PRKCQ: variants seen among roughly 807,000 people sequenced by gnomAD.
The protein encoded by PRKCQ is protein kinase C theta type.
Under a neutral mutation model 91.2 loss-of-function variants are expected in PRKCQ, and 41 were observed. The ratio of observed to expected loss-of-function variants is 0.45; its 90% CI spans 0.35 to 0.58. The LOEUF (loss-of-function observed/expected upper bound fraction) is 0.58, where lower values mean the gene tolerates loss of function less well. Ranked by LOEUF, PRKCQ falls within the 20% of genes least tolerant of loss-of-function variation. The pLI is 0.00. For synonymous variants in PRKCQ, 307 were observed against 316.9 expected (o/e 0.97, Z 0.33); for missense variants, 673 against 896.5 (o/e 0.75, Z 3.18).
the PRKCQ span, among the ~76,000 whole-genome samples, chr10:6,408,437 T>A: frequency 6.6e-6 from 1 of 152,166 alleles, no homozygotes; most frequent in Admixed American, 6.6e-5. Context: ...TCACTGCAAC[T>A]TCTGCCTCCT....
chr10:6,557,225 G>T (rs1289949854), intron 1 of PRKCQ, among the ~76,000 whole-genome samples: 2 of 152,076 alleles, frequency 1.3e-5, no homozygotes, highest in Non-Finnish European at 2.9e-5. Flanking sequence ...CTGCCATATG[G>T]ATTCCTCCAG....
intron 1 of PRKCQ, among the ~76,000 whole-genome samples, chr10:6,527,588 CA>C (rs1564375133): frequency 2.0e-5 from 3 of 152,174 alleles, no homozygotes; most frequent in African/African-American, 7.2e-5. Flanking sequence ...TCAGGCCCCC[CA>C]AACCAGTTAT....
At chr10:6,419,806 A>T in the PRKCQ span, among the ~76,000 whole-genome samples, 1 of 149,670 alleles carries the variant, frequency 6.7e-6, no homozygotes, top group Non-Finnish European at 1.5e-5. Context: ...CTCCTCTGTC[A>T]GCCTCCTAAG....
intron 12 of PRKCQ, 122 bp downstream of exon 12, chr10:6,478,870 T>C: frequency 8.8e-7 from 1 of 1,140,322 alleles, no homozygotes; most frequent in Non-Finnish European, 1.2e-6. Context: ...GGATGGCAGG[T>C]ACACCGAAAT....
Position 6,510,933 on chromosome 10 carries a change from G to A in PRKCQ, c.318+62C>T, listed in dbSNP as rs1376330454. 8 of 1,591,920 alleles carry A rather than the reference G, an allele frequency of 5.0e-6. No homozygotes were observed. In the African/African-American group the frequency reaches 9.4e-5, roughly 19 times the overall value. The stretch of plus-strand genomic sequence containing the variant: ...ACCCTCAGATTGACATGGGAGTTCT[G>A]AGCCAGTCATCGGCTACCATCATGC... On this transcript the variant is annotated intron_variant, in intron 3 of 17. Coordinates refer to ENST00000263125, the MANE Select transcript of PRKCQ (RefSeq NM_006257.5).
At chr10:6,443,651 AG>A (rs1385339752) in intron 15 of PRKCQ, among the ~76,000 whole-genome samples, 2 of 152,194 alleles carry the variant, frequency 1.3e-5, no homozygotes, top group Non-Finnish European at 2.9e-5. Context: ...GTCTGGGCAG[AG>A]GGTAGGGAGG....
At chr10:6,482,884 G>GAA (rs35927664) in intron 11 of PRKCQ, among the ~76,000 whole-genome samples, 1 of 152,060 alleles carries the variant, frequency 6.6e-6, no homozygotes, top group Non-Finnish European at 1.5e-5. Context: ...GAACAGCACA[G>GAA]AAAAACCCAT....
chr10:6,404,931 TC>T, the PRKCQ span, among the ~76,000 whole-genome samples: 3 of 126,036 alleles, frequency 2.4e-5, no homozygotes, highest in South Asian at 3.2e-4. Context: ...CTTCCTCCCT[TC>T]CCTTCCCTTC....
At chr10:6,481,731 C>T (rs1483057482) in intron 11 of PRKCQ, among the ~76,000 whole-genome samples, 1 of 152,148 alleles carries the variant, frequency 6.6e-6, no homozygotes, top group East Asian at 1.9e-4. Context: ...GTCTGGTGAG[C>T]AGTTGTGGTG....
At chr10:6,541,836 C>T (rs1839786063) in intron 1 of PRKCQ, among the ~76,000 whole-genome samples, 2 of 152,158 alleles carry the variant, frequency 1.3e-5, no homozygotes, top group Non-Finnish European at 2.9e-5. Context: ...TCCAAGCCTC[C>T]TCGTTTCCAT....
At chr10:6,447,121 G>A (rs1365385247) in intron 15 of PRKCQ, among the ~76,000 whole-genome samples, 3 of 152,144 alleles carry the variant, frequency 2.0e-5, no homozygotes, top group Non-Finnish European at 4.4e-5. Context: ...AAAGTATGAT[G>A]TTTCCGGCTG....
At chr10:6,560,025 G>T (rs1379879971) in intron 1 of PRKCQ, among the ~76,000 whole-genome samples, 2 of 152,218 alleles carry the variant, frequency 1.3e-5, no homozygotes, top group Non-Finnish European at 2.9e-5. Context: ...ACGAGGGTCA[G>T]TACCTTTCTC....
chr10:6,464,426 C>A, intron 12 of PRKCQ, 22 bp from the exon 13 acceptor site: 1 of 1,536,742 alleles, frequency 6.5e-7, no homozygotes, highest in Non-Finnish European at 8.9e-7. Context: ...CAAAACAATT[C>A]CAACTTTTAT....
rs991494701 is a variant in PRKCQ at position 6,576,594 on chromosome 10, G to A, written c.-10+3617C>T. ...CCACGAGGACAGAGTTTCAGTTTTAGGAGATGAGAAGAATCCTGTGGATGG... is the reference window on the plus strand; with the variant it reads ...CCACGAGGACAGAGTTTCAGTTTTAAGAGATGAGAAGAATCCTGTGGATGG... On this transcript the variant is annotated intron_variant, in intron 1 of 17. Coordinates refer to ENST00000263125, the MANE Select transcript of PRKCQ (RefSeq NM_006257.5). This position sits in a 1 kb window ranked among gnomAD's most constrained non-coding sequence, Gnocchi z 4.2. Among the ~76,000 whole-genome samples the A allele has an allele frequency of 6.6e-6, 1 of 152,224 alleles. No individual in the cohort carries two copies. The highest frequency in any genetic ancestry group is 1.5e-5 in the Non-Finnish European group (1 of 68,046).
chr10:6,404,792 C>T, the PRKCQ span, among the ~76,000 whole-genome samples: 1 of 132,160 alleles, frequency 7.6e-6, no homozygotes, highest in African/African-American at 2.7e-5. Flanking sequence ...TCACTCCTTC[C>T]TTCCTTCTTT....
the PRKCQ span, among the ~76,000 whole-genome samples, chr10:6,416,252 T>C: frequency 6.6e-6 from 1 of 151,974 alleles, no homozygotes; most frequent in East Asian, 1.9e-4. Context: ...GGGGTGCAGG[T>C]GGTTTTTGGT....
the PRKCQ span, among the ~76,000 whole-genome samples, chr10:6,404,434 CTCTT>C: frequency 3.0e-4 from 44 of 148,708 alleles, no homozygotes; most frequent in South Asian, 6.4e-4. Context: ...CTTTCTTTCT[CTCTT>C]TCTTTCTCTT....
At chr10:6,425,586 AG>A (rs569250004), downstream of PRKCQ, among the ~76,000 whole-genome samples, 366 of 152,266 alleles carry the variant, frequency 2.4e-3, 1 homozygote, top group Non-Finnish European at 3.6e-3. Flanking sequence ...AAAGAATAGA[AG>A]GAAGTAACAA....
At chr10:6,539,263 T>G (rs906600753) in intron 1 of PRKCQ, among the ~76,000 whole-genome samples, 1 of 152,216 alleles carries the variant, frequency 6.6e-6, no homozygotes, top group Non-Finnish European at 1.5e-5. Flanking sequence ...AATTCACCTA[T>G]GTTGACCCTT....
Sources: gnomAD v4.1 joint callset for allele counts (sites outside exome capture counted in the v4.1 genomes callset) on GRCh38, gnomAD v4.1.1 for gene constraint, Gnocchi (gnomAD v3.1) non-coding constraint, MANE v1.5 for transcripts, NCBI Gene and HGNC (gene_info 2026-07-23, HGNC 2026-07-21) for gene names.